Variants in FOXN3 observed in about 807,000 individuals in gnomAD.
FOXN3 encodes the protein forkhead box N3.
In FOXN3, 7 loss-of-function variants were observed where a neutral mutation model predicts 38.4. That is an observed-to-expected ratio of 0.18 (90% CI 0.10 to 0.34). The LOEUF (loss-of-function observed/expected upper bound fraction) is 0.34. FOXN3 is among the 10% of genes least tolerant of loss of function. The pLI is 1.00. For missense variants in FOXN3, 456 were observed against 613.4 expected (o/e 0.74, Z 2.71); for synonymous variants, 230 against 242.2 (o/e 0.95, Z 0.47).
chr14:89,359,914 A>G (rs1889391880), intron 2 of FOXN3, among the ~76,000 whole-genome samples: 1 of 152,166 alleles, frequency 6.6e-6, no homozygotes, highest in African/African-American at 2.4e-5. Flanking sequence ...CCTTGAGCTC[A>G]TGGTGGGAAC....
chr14:89,231,083 C>T (rs941701193), intron 4 of FOXN3, among the ~76,000 whole-genome samples: 1 of 152,016 alleles, frequency 6.6e-6, no homozygotes, highest in Non-Finnish European at 1.5e-5. Flanking sequence ...GAGAAGCATG[C>T]CTGCCTAATT....
intron 1 of FOXN3, among the ~76,000 whole-genome samples, chr14:89,496,479 A>G (rs1893686436): frequency 6.6e-6 from 1 of 151,944 alleles, no homozygotes; most frequent in Admixed American, 6.6e-5. Flanking sequence ...CTCCTCAGAG[A>G]GGGCCCTGGA....
At chr14:89,256,036 C>T (rs1469146561) in intron 4 of FOXN3, among the ~76,000 whole-genome samples, 3 of 152,054 alleles carry the variant, frequency 2.0e-5, no homozygotes, top group Non-Finnish European at 4.4e-5. Flanking sequence ...TGACACCAGC[C>T]CCAGAGGCAC....
chr14:89,280,938 C>G lies in FOXN3; in HGVS notation c.745+12G>C, dbSNP rs1302768398. 1.2e-6 allele frequency: 2 copies of G among 1,612,256 alleles called. No homozygotes were observed. The highest frequency in any genetic ancestry group is 1.3e-5 in the African/African-American group (1 of 74,846). ...GGGGGAGGGAGAGGAAGGGGTGTTA[C>G]TAGGGACCTACCTTGGAGAAGGGCT... On this transcript the variant is annotated intron_variant, in intron 4 of 5. Transcript: ENST00000557258.
intron 1 of FOXN3, among the ~76,000 whole-genome samples, chr14:89,424,521 T>G (rs1206716775): frequency 2.0e-5 from 3 of 152,150 alleles, no homozygotes; most frequent in Non-Finnish European, 4.4e-5. Context: ...AATATCAAAC[T>G]TTCTCTACAA....
At chr14:89,367,836 C>T (rs1890202512) in intron 2 of FOXN3, among the ~76,000 whole-genome samples, 1 of 53,060 alleles carries the variant, frequency 1.9e-5, no homozygotes, top group Non-Finnish European at 4.1e-5. Flanking sequence ...GGCCTCCTGC[C>T]CCAGAAACCC....
At chr14:89,538,311 A>G (rs542388958) in intron 1 of FOXN3, among the ~76,000 whole-genome samples, 2 of 152,334 alleles carry the variant, frequency 1.3e-5, no homozygotes, top group Non-Finnish European at 2.9e-5. Context: ...CCCAGAGCGC[A>G]CAGATGGCAC....
chr14:89,350,857 A>G, intron 2 of FOXN3, 49 bp from the exon 3 acceptor site: 1 of 1,365,564 alleles, frequency 7.3e-7, no homozygotes, highest in South Asian at 1.6e-5. Flanking sequence ...ATTATTAAGT[A>G]CTTTGCAATA....
chr14:89,337,401 T>C (rs1189732234), intron 3 of FOXN3, among the ~76,000 whole-genome samples: 4 of 152,126 alleles, frequency 2.6e-5, no homozygotes, highest in Non-Finnish European at 5.9e-5. Context: ...ACACGGATTA[T>C]GTATCTGGTA....
chr14:89,193,715 GA>G (rs2139811456), intron 4 of FOXN3, among the ~76,000 whole-genome samples: 1 of 152,246 alleles, frequency 6.6e-6, no homozygotes, highest in South Asian at 2.1e-4. Flanking sequence ...AGTCTTTTTT[GA>G]ACCTGTGTTT....
chr14:89,614,716 C>A (rs1482264147), intron 1 of FOXN3, among the ~76,000 whole-genome samples: 1 of 152,214 alleles, frequency 6.6e-6, no homozygotes, highest in Non-Finnish European at 1.5e-5. Flanking sequence ...AGGCTCTGGG[C>A]TCCTAGTTCC....
At chr14:89,325,334 C>A (rs1393682671) in intron 3 of FOXN3, among the ~76,000 whole-genome samples, 1 of 144,346 alleles carries the variant, frequency 6.9e-6, no homozygotes, top group Non-Finnish European at 1.5e-5. Context: ...ACCACCACCA[C>A]CACCACCACC....
At position 89,453,559 on chromosome 14, in the gene FOXN3, C is replaced by CAAAA. The variant is rs35296047; in HGVS notation, c.-14-41073_-14-41070dup. Among the ~76,000 whole-genome samples, 345 of 72,134 alleles carry CAAAA rather than the reference C, an allele frequency of 4.8e-3. 7 individuals are homozygous for CAAAA. The highest frequency in any genetic ancestry group is 8.1e-3 in the East Asian group (17 of 2,092). The allele number at this position is 72,134 out of a possible 152,430, so 47.3% of individuals were successfully genotyped here. ...TGGGCGACACAGCAAGACTCCGTCT[C>CAAAA]AAAAAAAAAAAAAAAAAAAAGCTGC... is the stretch of plus-strand genomic sequence containing the variant. On this transcript the variant is annotated intron_variant, in intron 1 of 6. Transcript: ENST00000345097.
chr14:89,277,447 C>T (rs990409295), intron 4 of FOXN3, among the ~76,000 whole-genome samples: 5 of 152,094 alleles, frequency 3.3e-5, no homozygotes, highest in African/African-American at 1.2e-4. Flanking sequence ...CTGTAGCAGC[C>T]TAAATGGCAT....
chr14:89,179,019 A>G (rs549066610), intron 5 of FOXN3, among the ~76,000 whole-genome samples: 1 of 152,242 alleles, frequency 6.6e-6, no homozygotes, highest in Non-Finnish European at 1.5e-5. Flanking sequence ...AAAGAATGAA[A>G]AACAGAGTAT....
At chr14:89,218,587 A>G (rs1458565117) in intron 4 of FOXN3, among the ~76,000 whole-genome samples, 1 of 152,246 alleles carries the variant, frequency 6.6e-6, no homozygotes, top group African/African-American at 2.4e-5. Flanking sequence ...TTTGTCTTCT[A>G]TTCAAGAGGG....
chr14:89,585,038 AT>A lies in FOXN3; in HGVS notation c.-15+33989del, dbSNP rs369683042. 2.5e-4 allele frequency among the ~76,000 whole-genome samples: 38 copies of A among 152,236 alleles called. 1 individual carries two copies. The South Asian group carries it at 7.7e-3, about 31-fold the overall frequency. ...GCAAGTGTCTCTTTTCAAATTGTCC[AT>A]TTTTTATTGGCCAATCTCACTTTTC... On this transcript the variant is annotated intron_variant, in intron 1 of 6. Transcript: ENST00000345097.
intron 1 of FOXN3, among the ~76,000 whole-genome samples, chr14:89,456,476 G>A (rs546349931): frequency 3.4e-4 from 51 of 151,928 alleles, no homozygotes; most frequent in African/African-American, 1.2e-3. Context: ...AAATGAGGCC[G>A]GGTGCAGTGG....
In FOXN3 at chr14:89,511,247, T is replaced by TTTTCTTTCTTTC. The variant is rs869191500; in HGVS notation, c.-14-98769_-14-98758dup. On this transcript the variant is annotated intron_variant, in intron 1 of 6. Transcript: ENST00000345097. Reference sequence around the variant, plus strand: ...TCTTTCTTTTCTTTCCTTTTCTTTCTTTTCTTTCTTTCTTTCTTTCTTTCT... The same window carrying TTTTCTTTCTTTC: ...TCTTTCTTTTCTTTCCTTTTCTTTCTTTTCTTTCTTTCTTTCTTTCTTTCTTTCTTTCTTTCT... Among the ~76,000 whole-genome samples, 34 of 11,290 alleles carry TTTTCTTTCTTTC rather than the reference T, an allele frequency of 3.0e-3. 2 individuals are homozygous for TTTTCTTTCTTTC. The highest frequency in any genetic ancestry group is 0.01 in the Admixed American group (4 of 396). The allele number at this position is 11,290 out of a possible 152,430, so 7.4% of individuals were successfully genotyped here.
Sources: gnomAD v4.1 joint callset for allele counts (sites outside exome capture counted in the v4.1 genomes callset) on GRCh38, gnomAD v4.1.1 for gene constraint, MANE v1.5 for transcripts, NCBI Gene and HGNC (gene_info 2026-07-23, HGNC 2026-07-21) for gene names.